SRRM4: variants seen among roughly 807,000 people sequenced by gnomAD.
SRRM4 encodes the protein serine/arginine repetitive matrix 4, also known as serine/arginine repetitive matrix protein 4.
Under a neutral mutation model 68.9 loss-of-function variants are expected in SRRM4, and 33 were observed. The observed-to-expected ratio is 0.48, with a 90% CI of 0.36 to 0.64. The LOEUF is 0.64. Among genes scored for constraint, SRRM4 ranks in the 30% least tolerant of loss-of-function variants. The pLI, the probability that SRRM4 is intolerant of heterozygous loss-of-function variation, is 0.00. For missense variants in SRRM4, 817 were observed against 827.1 expected (o/e 0.99, Z 0.15); for synonymous variants, 318 against 318.8 (o/e 1.00, Z 0.03).
intron 1 of SRRM4, among the ~76,000 whole-genome samples, chr12:119,068,821 C>G (rs913050828): frequency 6.6e-6 from 1 of 151,880 alleles, no homozygotes; most frequent in African/African-American, 2.4e-5. Context: ...AACAGAGAGG[C>G]GGGGGATGGC....
chr12:119,106,707 G>T (rs991800585), intron 2 of SRRM4, among the ~76,000 whole-genome samples: 1 of 152,200 alleles, frequency 6.6e-6, no homozygotes, highest in African/African-American at 2.4e-5. Flanking sequence ...AGGAGATTTT[G>T]AGCTGAGACA....
intron 12 of SRRM4, 42 bp from the exon 13 acceptor site, chr12:119,156,453 G>A (rs757135676): frequency 6.5e-7 from 1 of 1,532,592 alleles, no homozygotes; most frequent in South Asian, 1.3e-5. Flanking sequence ...GGGGAGGCAC[G>A]GAGGGGCCGG....
chr12:119,040,028 A>T (rs1234633385), intron 1 of SRRM4, among the ~76,000 whole-genome samples: 2 of 152,142 alleles, frequency 1.3e-5, no homozygotes, highest in East Asian at 3.9e-4. Flanking sequence ...AGAAGATCAG[A>T]AATGTTAGTT....
At chr12:119,019,315 T>C (rs1475786064) in intron 1 of SRRM4, among the ~76,000 whole-genome samples, 1 of 152,076 alleles carries the variant, frequency 6.6e-6, no homozygotes, top group Non-Finnish European at 1.5e-5. Context: ...ACGTCAACCA[T>C]CCCCCGGGTT....
rs373490920 is a variant in SRRM4, at chr12:119,151,017, G to A, written c.1077G>A (p.Arg359=). 1.9e-6 allele frequency: 3 copies of A among 1,613,654 alleles called. No homozygotes were observed. In the African/African-American group the frequency reaches 4.0e-5, roughly 22 times the overall value. The part of the protein sequence containing the change: ...LSPTSRGRES[R]GFQSPCLECA... ...CTCATGGACATTTTCCCACCTGCAG[G>A]GGATTTCAGTCACCGTGTCTGGAAT... The change falls in exon 10 of 13, where the codon AGG becomes AGA. Residue 359 remains arginine, a splice_region_variant and synonymous_variant. Coordinates refer to ENST00000267260, the MANE Select transcript of SRRM4 (RefSeq NM_194286.4).
chr12:119,116,824 G>A (rs1954182787), intron 3 of SRRM4, 113 bp from the exon 4 acceptor site: 2 of 729,926 alleles, frequency 2.7e-6, no homozygotes, highest in East Asian at 2.7e-5. Flanking sequence ...TATCTTTGAT[G>A]TGTGTTCCTG....
At position 119,153,562 on chromosome 12, in the gene SRRM4, A is replaced by G; in HGVS notation, c.1304A>G (p.Tyr435Cys). The stretch of plus-strand genomic sequence containing the variant: ...AGGTCCTACTCCCGCTCTCCCAGCT[A>G]TTCCTCCAAGTCTGGCAAGAGGAGC... Reference protein sequence around the residue: ...EKRSYSRSPSYSSKSGKRSPP... With the variant: ...EKRSYSRSPSCSSKSGKRSPP... Residue 435 changes from tyrosine to cysteine, a missense_variant, in exon 11 of 13, where the codon TAT becomes TGT. Transcript: ENST00000267260. 1 of 1,574,888 alleles carries G rather than the reference A, an allele frequency of 6.3e-7. No homozygotes were observed. Among genetic ancestry groups the G allele is most frequent in the Non-Finnish European group, 8.6e-7 (1 of 1,160,804 alleles).
intron 1 of SRRM4, among the ~76,000 whole-genome samples, chr12:119,016,437 A>G (rs1388696938): frequency 6.6e-6 from 1 of 151,782 alleles, no homozygotes; most frequent in Non-Finnish European, 1.5e-5. Context: ...AGAGTTCAGA[A>G]TTCAATACGA....
intron 1 of SRRM4, among the ~76,000 whole-genome samples, chr12:119,052,252 T>A (rs900137712): frequency 3.3e-5 from 5 of 152,184 alleles, no homozygotes; most frequent in African/African-American, 1.2e-4. Flanking sequence ...TGTTCCCATG[T>A]AGCAGTGATG....
At chr12:119,095,075 A>C (rs978567476) in intron 1 of SRRM4, among the ~76,000 whole-genome samples, 1 of 152,216 alleles carries the variant, frequency 6.6e-6, no homozygotes, top group Admixed American at 6.5e-5. Flanking sequence ...TTCAAGCCAC[A>C]ATGGCAAAGC....
chr12:119,102,816 T>C (rs1236793564), intron 2 of SRRM4, among the ~76,000 whole-genome samples: 1 of 152,192 alleles, frequency 6.6e-6, no homozygotes, highest in Admixed American at 6.5e-5. Flanking sequence ...GGTCTCTGCA[T>C]GTTTTCTTTT....
chr12:119,037,676 A>G (rs1050792349), intron 1 of SRRM4, among the ~76,000 whole-genome samples: 1 of 152,092 alleles, frequency 6.6e-6, no homozygotes, highest in African/African-American at 2.4e-5. Context: ...TGGCTTATAT[A>G]TATGTGTTGC....
At chr12:119,080,017 G>C (rs994787576) in intron 1 of SRRM4, among the ~76,000 whole-genome samples, 80 of 151,918 alleles carry the variant, frequency 5.3e-4, no homozygotes, top group African/African-American at 1.8e-3. Context: ...TCAGCTACCG[G>C]TGCCCCTCTC....
chr12:119,130,609 G>A, intron 7 of SRRM4, 69 bp from the exon 8 acceptor site: 1 of 1,456,238 alleles, frequency 6.9e-7, no homozygotes, highest in Non-Finnish European at 9.3e-7. Context: ...AGATCCTGTT[G>A]GTCCTGCATA....
At chr12:119,080,593 CCTT>C (rs1953941944) in intron 1 of SRRM4, among the ~76,000 whole-genome samples, 1 of 152,186 alleles carries the variant, frequency 6.6e-6, no homozygotes, top group Admixed American at 6.5e-5. Context: ...CCATGTGGCT[CCTT>C]CTTCCCATGT....
At chr12:119,000,096 C>A (rs1187106361) in intron 1 of SRRM4, among the ~76,000 whole-genome samples, 1 of 152,152 alleles carries the variant, frequency 6.6e-6, no homozygotes, top group Non-Finnish European at 1.5e-5. Context: ...TACAGTACAG[C>A]AAAGTAACCC....
At chr12:119,118,015 C>T (rs182723025) in intron 4 of SRRM4, among the ~76,000 whole-genome samples, 9 of 152,332 alleles carry the variant, frequency 5.9e-5, no homozygotes, top group African/African-American at 2.2e-4. Context: ...TTCTGCAATA[C>T]AGAAATACAG....
chr12:119,010,688 C>T (rs1487149467), intron 1 of SRRM4, among the ~76,000 whole-genome samples: 1 of 152,136 alleles, frequency 6.6e-6, no homozygotes, highest in Admixed American at 6.5e-5. Context: ...ATGACCAGCT[C>T]TTGATGTCAA....
intron 1 of SRRM4, among the ~76,000 whole-genome samples, chr12:119,006,923 G>A (rs1280519937): frequency 2.6e-5 from 4 of 152,226 alleles, no homozygotes; most frequent in South Asian, 2.1e-4. Flanking sequence ...GGGCTGCTCC[G>A]AGCTGTGTGG....
Sources: allele counts gnomAD v4.1 joint callset (sites outside exome capture counted in the v4.1 genomes callset), GRCh38; gene constraint gnomAD v4.1.1; transcripts MANE v1.5; gene names NCBI Gene and HGNC (gene_info 2026-07-23, HGNC 2026-07-21).